Variants in FAM81A observed in about 807,000 individuals in gnomAD.
FAM81A encodes family with sequence similarity 81 member A, also known as protein FAM81A.
In FAM81A, 19 loss-of-function variants were observed where a neutral mutation model predicts 46.7. That is an observed-to-expected ratio of 0.41 (90% CI 0.28 to 0.60). The LOEUF (loss-of-function observed/expected upper bound fraction) is 0.60, where lower values mean the gene tolerates loss of function less well. Ranked by LOEUF, FAM81A falls within the 20% of genes least tolerant of loss-of-function variation. The pLI, the probability that FAM81A is intolerant of heterozygous loss-of-function variation, is 0.34. For missense variants in FAM81A, 377 were observed against 453.5 expected, an observed-to-expected ratio of 0.83 and a Z score of 1.53; for synonymous variants, 183 against 152.9, an observed-to-expected ratio of 1.20 and a Z score of -1.45.
intron 7 of FAM81A, 47 bp from the exon 8 acceptor site, chr15:59,516,598 G>T: frequency 6.4e-7 from 1 of 1,567,410 alleles, no homozygotes; most frequent in Non-Finnish European, 8.6e-7. Flanking sequence ...ATGCAATGCA[G>T]ATTTCTTTTT....
intron 1 of FAM81A, among the ~76,000 whole-genome samples, chr15:59,457,858 A>G (rs1404182446): frequency 1.3e-5 from 2 of 152,220 alleles, no homozygotes; most frequent in African/African-American, 4.8e-5. Flanking sequence ...AATTGATAGC[A>G]GTATTGAGGA....
chr15:59,457,471 A>C (rs1455329180), intron 1 of FAM81A, among the ~76,000 whole-genome samples: 2 of 152,204 alleles, frequency 1.3e-5, no homozygotes, highest in African/African-American at 4.8e-5. Flanking sequence ...AATCATGAGT[A>C]TGTATGTGTA....
upstream of FAM81A, among the ~76,000 whole-genome samples, chr15:59,433,842 C>T (rs1362196421): frequency 6.6e-6 from 1 of 152,114 alleles, no homozygotes; most frequent in Non-Finnish European, 1.5e-5. Context: ...TTCGGTGAAA[C>T]ATTTTATTTT....
chr15:59,467,694 C>G (rs1268839672), intron 3 of FAM81A, among the ~76,000 whole-genome samples: 1 of 152,134 alleles, frequency 6.6e-6, no homozygotes, highest in Non-Finnish European at 1.5e-5. Context: ...ATTGAACACC[C>G]TTTATTTATT....
intron 2 of FAM81A, among the ~76,000 whole-genome samples, chr15:59,423,976 G>T (rs1008486059): frequency 6.6e-6 from 1 of 152,070 alleles, no homozygotes; most frequent in Non-Finnish European, 1.5e-5. Context: ...CCATTTGTCT[G>T]CTCCTTTCAC....
upstream of FAM81A, among the ~76,000 whole-genome samples, chr15:59,434,041 A>G (rs537218678): frequency 6.6e-6 from 1 of 152,254 alleles, no homozygotes; most frequent in East Asian, 1.9e-4. Flanking sequence ...TTTTTAGTAG[A>G]GACGGGTTTC....
chr15:59,423,596 A>T (rs538828238), intron 2 of FAM81A, among the ~76,000 whole-genome samples: 1 of 152,320 alleles, frequency 6.6e-6, no homozygotes, highest in Admixed American at 6.5e-5. Context: ...ATGTGACAAA[A>T]GGGAATTATG....
chr15:59,449,240 C>A (rs1201052864), intron 1 of FAM81A, among the ~76,000 whole-genome samples: 2 of 152,014 alleles, frequency 1.3e-5, no homozygotes, highest in South Asian at 4.1e-4. Flanking sequence ...CCTTTGAACT[C>A]TTGGTTTACA....
At chr15:59,513,478 C>T (rs979493159) in intron 6 of FAM81A, among the ~76,000 whole-genome samples, 2 of 152,120 alleles carry the variant, frequency 1.3e-5, no homozygotes, top group African/African-American at 2.4e-5. Flanking sequence ...GTGCCTGTGC[C>T]GCGTACTCCT....
At chr15:59,424,020 C>G (rs1487788266) in intron 2 of FAM81A, among the ~76,000 whole-genome samples, 65 of 152,176 alleles carry the variant, frequency 4.3e-4, no homozygotes, top group Non-Finnish European at 7.3e-5. Flanking sequence ...CCTGTGGTCA[C>G]TACATTCTCA....
chr15:59,414,367 T>A (rs1349166841), intron 2 of FAM81A, among the ~76,000 whole-genome samples: 1 of 152,122 alleles, frequency 6.6e-6, no homozygotes, highest in Non-Finnish European at 1.5e-5. Flanking sequence ...AACAGGCAGA[T>A]TAACAGGAGA....
chr15:59,492,476 C>T (rs2081991830), intron 4 of FAM81A, 87 bp downstream of exon 4: 1 of 1,052,660 alleles, frequency 9.5e-7, no homozygotes. Context: ...AATGAAGCCC[C>T]AAAGCAAATG....
chr15:59,494,924 A>G (rs535235506), intron 4 of FAM81A, among the ~76,000 whole-genome samples: 81 of 152,310 alleles, frequency 5.3e-4, no homozygotes, highest in African/African-American at 1.9e-3. Context: ...CTCCATAAAG[A>G]TGAGATACAC....
At chr15:59,420,231 G>A (rs764304618) in intron 2 of FAM81A, among the ~76,000 whole-genome samples, 1 of 152,232 alleles carries the variant, frequency 6.6e-6, no homozygotes, top group Non-Finnish European at 1.5e-5. Context: ...TTCTAGCGCT[G>A]ATTCTGGCAA....
intron 2 of FAM81A, among the ~76,000 whole-genome samples, chr15:59,405,827 C>T (rs901537396): frequency 1.3e-5 from 2 of 152,134 alleles, no homozygotes; most frequent in East Asian, 3.8e-4. Context: ...AATAGTCAGC[C>T]TTGACTTTTC....
At chr15:59,399,718 G>A (rs951779004) in intron 1 of FAM81A, among the ~76,000 whole-genome samples, 13 of 152,140 alleles carry the variant, frequency 8.5e-5, no homozygotes, top group South Asian at 2.1e-4. Flanking sequence ...CTCCCTATGC[G>A]AGGCGCTGGC....
At chr15:59,486,807 G>A (rs932566958) in intron 3 of FAM81A, among the ~76,000 whole-genome samples, 4 of 152,044 alleles carry the variant, frequency 2.6e-5, no homozygotes, top group Admixed American at 6.5e-5. Flanking sequence ...CAAACTTGAA[G>A]GAGAAATAAA....
intron 4 of FAM81A, among the ~76,000 whole-genome samples, chr15:59,495,821 G>C (rs2082027453): frequency 6.6e-6 from 1 of 152,076 alleles, no homozygotes; most frequent in South Asian, 2.1e-4. Flanking sequence ...TCTTCTTTAG[G>C]AAAATATTTA....
chr15:59,516,568 C>T (rs781227638), intron 7 of FAM81A, 77 bp from the exon 8 acceptor site: 218 of 1,424,368 alleles, frequency 1.5e-4, no homozygotes, highest in Non-Finnish European at 2.0e-4. Flanking sequence ...TGTTGTTAAA[C>T]GATATTATGG....
Sources: gnomAD v4.1 joint callset for allele counts (sites outside exome capture counted in the v4.1 genomes callset) on GRCh38, gnomAD v4.1.1 for gene constraint, MANE v1.5 for transcripts, NCBI Gene and HGNC (gene_info 2026-07-23, HGNC 2026-07-21) for gene names.